LRRC37A2: variants seen among roughly 807,000 people sequenced by gnomAD.
LRRC37A2 encodes the protein leucine-rich repeat-containing protein 37A2.
Under a neutral mutation model 68.8 loss-of-function variants are expected in LRRC37A2, and 9 were observed. The observed-to-expected ratio is 0.13, with a 90% CI of 0.08 to 0.23. The LOEUF (loss-of-function observed/expected upper bound fraction) is 0.23. Among genes scored for constraint, LRRC37A2 ranks in the 10% least tolerant of loss-of-function variants. LRRC37A2 has a pLI of 1.00. For missense variants in LRRC37A2, 168 were observed against 950.4 expected (o/e 0.18, Z 10.82); for synonymous variants, 63 against 367.6 (o/e 0.17, Z 9.48).
At chr17:46,813,601 T>C in the LRRC37A2 span, among the ~76,000 whole-genome samples, 1 of 151,936 alleles carries the variant, frequency 6.6e-6, no homozygotes, top group African/African-American at 2.4e-5. Flanking sequence ...AAGGTTCTGC[T>C]CAACTCCTGG....
At chr17:46,977,441 A>G in the LRRC37A2 span, among the ~76,000 whole-genome samples, 3 of 152,126 alleles carry the variant, frequency 2.0e-5, no homozygotes, top group African/African-American at 7.2e-5. Context: ...CCTGTCCCCA[A>G]CTTCCAGAAA....
chr17:46,827,976 A>AT, the LRRC37A2 span, among the ~76,000 whole-genome samples: 22 of 150,078 alleles, frequency 1.5e-4, no homozygotes, highest in South Asian at 4.2e-4. Context: ...CGCCCAGCTG[A>AT]TTTTTTTTTA....
chr17:46,675,645 C>G, the LRRC37A2 span, among the ~76,000 whole-genome samples: 2 of 136,670 alleles, frequency 1.5e-5, no homozygotes, highest in African/African-American at 5.9e-5. Context: ...AAAACACACA[C>G]ACACACACAC....
At chr17:47,037,932 C>T in the LRRC37A2 span, among the ~76,000 whole-genome samples, 1 of 152,054 alleles carries the variant, frequency 6.6e-6, no homozygotes, top group African/African-American at 2.4e-5. Flanking sequence ...ATGTATAATC[C>T]TTTTCATCAT....
At chr17:46,868,317 C>T in the LRRC37A2 span, among the ~76,000 whole-genome samples, 75 of 152,312 alleles carry the variant, frequency 4.9e-4, no homozygotes, top group East Asian at 1.2e-3. Context: ...TTTGGCTGGG[C>T]GTGGTGGCTC....
At chr17:46,558,912 A>C (rs1167423499), downstream of LRRC37A2, 1 of 104,612 alleles carries the variant, frequency 9.6e-6, no homozygotes, top group Non-Finnish European at 1.8e-5. Flanking sequence ...TCCTGGCCTC[A>C]AGTGATCCTC....
At chr17:46,819,209 C>G in the LRRC37A2 span, among the ~76,000 whole-genome samples, 1 of 152,146 alleles carries the variant, frequency 6.6e-6, no homozygotes, top group African/African-American at 2.4e-5. This position sits in a 1 kb window ranked among gnomAD's most constrained non-coding sequence, Gnocchi z 5.3. Flanking sequence ...CAGCTTCCAG[C>G]CTCCCGAGTC....
chr17:46,491,497 T>C, the LRRC37A2 span, among the ~76,000 whole-genome samples: 1 of 142,728 alleles, frequency 7.0e-6, no homozygotes, highest in African/African-American at 2.9e-5. Context: ...CTTATATTTA[T>C]GTCTCCTTTT....
the LRRC37A2 span, chr17:46,938,979 A>G: frequency 7.1e-7 from 1 of 1,415,392 alleles, no homozygotes; most frequent in East Asian, 2.9e-5. Flanking sequence ...TGCTTAGGAA[A>G]TGAAAGAAGT....
chr17:46,924,699 G>A, the LRRC37A2 span, among the ~76,000 whole-genome samples: 1 of 152,170 alleles, frequency 6.6e-6, no homozygotes, highest in Non-Finnish European at 1.5e-5. Flanking sequence ...TGTAATGACA[G>A]AATTTTCTTT....
the LRRC37A2 span, among the ~76,000 whole-genome samples, chr17:46,744,442 G>C: frequency 2.0e-5 from 3 of 152,042 alleles, no homozygotes; most frequent in Admixed American, 2.0e-4. Flanking sequence ...TCCATTTCAG[G>C]GTTTTCAATT....
At chr17:47,028,198 G>C in the LRRC37A2 span, 1 of 938,394 alleles carries the variant, frequency 1.1e-6, no homozygotes, top group South Asian at 1.4e-5. Context: ...GTTCCATCCT[G>C]TATAAATTAG....
chr17:46,532,069 G>A (rs979847919), intron 6 of LRRC37A2, among the ~76,000 whole-genome samples: 6 of 150,408 alleles, frequency 4.0e-5, no homozygotes, highest in African/African-American at 1.5e-4. Flanking sequence ...GGGCAACAGA[G>A]TGAGACTCCA....
chr17:46,542,514 G>GAT (rs574096941), intron 8 of LRRC37A2, among the ~76,000 whole-genome samples: 10 of 146,274 alleles, frequency 6.8e-5, no homozygotes, highest in South Asian at 2.1e-4. Flanking sequence ...TTCTTTGCAG[G>GAT]ATATATATAT....
the LRRC37A2 span, among the ~76,000 whole-genome samples, chr17:46,839,975 TC>T: frequency 3.6e-5 from 5 of 138,674 alleles, no homozygotes; most frequent in African/African-American, 1.4e-4. Flanking sequence ...TTTCTTTCTT[TC>T]TCTTCTTTCT....
the LRRC37A2 span, among the ~76,000 whole-genome samples, chr17:46,908,554 G>C: frequency 6.6e-6 from 1 of 152,122 alleles, no homozygotes; most frequent in Non-Finnish European, 1.5e-5. Context: ...TTTTGCCCGA[G>C]GGGGTGGGAG....
At chr17:47,022,166 C>CTTTTTTTTT in the LRRC37A2 span, among the ~76,000 whole-genome samples, 137 of 15,834 alleles carry the variant, frequency 8.7e-3, 19 homozygotes, top group South Asian at 0.11. Context: ...CCTTTTTGTT[C>CTTTTTTTTT]TCTTTTTTTT....
chr17:46,497,090 T>C, the LRRC37A2 span, among the ~76,000 whole-genome samples: 2 of 133,104 alleles, frequency 1.5e-5, no homozygotes, highest in African/African-American at 6.2e-5. Flanking sequence ...GATGGGGTTT[T>C]GCCATGTTGC....
the LRRC37A2 span, chr17:46,935,498 C>G: frequency 7.5e-7 from 1 of 1,336,994 alleles, no homozygotes; most frequent in Non-Finnish European, 9.6e-7. Flanking sequence ...AGAATCTACT[C>G]TTGGAAGAAT....
Sources: allele counts gnomAD v4.1 joint callset (sites outside exome capture counted in the v4.1 genomes callset), GRCh38; gene constraint gnomAD v4.1.1; non-coding constraint Gnocchi (gnomAD v3.1); transcripts MANE v1.5; gene names NCBI Gene and HGNC (gene_info 2026-07-23, HGNC 2026-07-21).